ATXN7L1: variants seen among roughly 807,000 people sequenced by gnomAD.
ATXN7L1 encodes ataxin 7 like 1.
ATXN7L1 carries 15 observed loss-of-function variants against 70.8 expected under a neutral mutation model. The ratio of observed to expected loss-of-function variants is 0.21; its 90% CI spans 0.14 to 0.33. ATXN7L1 has a LOEUF of 0.33. Among genes scored for constraint, ATXN7L1 ranks in the 10% least tolerant of loss-of-function variants. The pLI is 1.00. For synonymous variants in ATXN7L1, 440 were observed against 445.1 expected (o/e 0.99, Z 0.14); for missense variants, 975 against 1,097.1 (o/e 0.89, Z 1.57).
chr7:105,642,679 T>C (rs1798447194), intron 5 of ATXN7L1, among the ~76,000 whole-genome samples, 159 bp downstream of exon 5: 1 of 152,260 alleles, frequency 6.6e-6, no homozygotes, highest in Non-Finnish European at 1.5e-5. Flanking sequence ...TGGTTTTCCC[T>C]TGCATTTTTA....
chr7:105,675,890 T>C (rs1460265974), intron 3 of ATXN7L1, among the ~76,000 whole-genome samples: 1 of 149,990 alleles, frequency 6.7e-6, no homozygotes, highest in Non-Finnish European at 1.5e-5. Flanking sequence ...CACTCTTTTT[T>C]TTTTTTTTTT....
chr7:105,630,019 T>C (rs373553874), intron 7 of ATXN7L1, among the ~76,000 whole-genome samples: 1 of 152,052 alleles, frequency 6.6e-6, no homozygotes, highest in African/African-American at 2.4e-5. Flanking sequence ...GGTTTCACCA[T>C]GTTGGCCAGG....
chr7:105,764,875 C>G (rs1801040050), intron 3 of ATXN7L1, among the ~76,000 whole-genome samples: 1 of 151,716 alleles, frequency 6.6e-6, no homozygotes, highest in Non-Finnish European at 1.5e-5. Context: ...ATATCATGTA[C>G]AGCTGGCTCA....
intron 3 of ATXN7L1, among the ~76,000 whole-genome samples, chr7:105,709,329 T>G (rs1004985549): frequency 4.6e-5 from 7 of 151,472 alleles, no homozygotes; most frequent in African/African-American, 1.7e-4. Flanking sequence ...AGTGAAACTC[T>G]GTCTCACAAA....
At chr7:105,783,772 C>T (rs1218798567) in intron 3 of ATXN7L1, among the ~76,000 whole-genome samples, 2 of 152,130 alleles carry the variant, frequency 1.3e-5, no homozygotes, top group Admixed American at 1.3e-4. Flanking sequence ...TCCTTGAGTT[C>T]TGTGAGTTGT....
chr7:105,650,663 G>A (rs1379901848), intron 4 of ATXN7L1, among the ~76,000 whole-genome samples: 4 of 152,196 alleles, frequency 2.6e-5, no homozygotes, highest in East Asian at 3.8e-4. Flanking sequence ...ACCCACTGCC[G>A]GCCAAGAAGG....
In ATXN7L1 at chr7:105,859,813, C is replaced by T. The variant is rs183805031; in HGVS notation, c.250+15999G>A. ...TTTTTTTTTTTTTGAGACAGAGTCTCGCTCTGTTGGCCAGGCTAGAGTGCA... is the reference window on the plus strand; with the variant it reads ...TTTTTTTTTTTTTGAGACAGAGTCTTGCTCTGTTGGCCAGGCTAGAGTGCA... On this transcript the variant is annotated intron_variant, in intron 2 of 11. Transcript: ENST00000419735. Among the ~76,000 whole-genome samples the T allele has an allele frequency of 2.2e-3, 301 of 139,238 alleles. 1 individual carries two copies. Among genetic ancestry groups the T allele is most frequent in the African/African-American group, 7.8e-3 (292 of 37,288 alleles). The allele number at this position is 139,238 out of a possible 152,430, so 91.3% of individuals were successfully genotyped here.
intron 9 of ATXN7L1, among the ~76,000 whole-genome samples, chr7:105,619,139 A>ATTTTTTTTTTTTTT (rs1794365463): frequency 1.9e-3 from 44 of 23,554 alleles, no homozygotes; most frequent in Non-Finnish European, 3.1e-3. Flanking sequence ...TGAAATCTTT[A>ATTTTTTTTTTTTTT]GTTTTTTTTT....
At chr7:105,783,488 C>G (rs1803835862) in intron 3 of ATXN7L1, among the ~76,000 whole-genome samples, 1 of 152,112 alleles carries the variant, frequency 6.6e-6, no homozygotes, top group African/African-American at 2.4e-5. Flanking sequence ...GGGGGCCGGT[C>G]ACCAGAAAGA....
intron 3 of ATXN7L1, among the ~76,000 whole-genome samples, chr7:105,739,790 G>A (rs980453643): frequency 1.3e-5 from 2 of 152,150 alleles, no homozygotes; most frequent in Admixed American, 6.5e-5. Flanking sequence ...TTGTGTAGCC[G>A]CCTGGCCCTG....
chr7:105,736,501 T>C (rs547647370), intron 3 of ATXN7L1, among the ~76,000 whole-genome samples: 4 of 152,276 alleles, frequency 2.6e-5, no homozygotes, highest in South Asian at 2.1e-4. Context: ...GCTATGGCAA[T>C]TGCAGTTTTG....
intron 3 of ATXN7L1, among the ~76,000 whole-genome samples, chr7:105,667,452 C>A (rs1476840071): frequency 1.0e-5 from 1 of 98,132 alleles, no homozygotes; most frequent in Non-Finnish European, 2.3e-5. Flanking sequence ...GTAATCCCAG[C>A]ACTTTGGGAG....
At chr7:105,753,809 C>A (rs947165977) in intron 3 of ATXN7L1, among the ~76,000 whole-genome samples, 1 of 152,200 alleles carries the variant, frequency 6.6e-6, no homozygotes, top group Non-Finnish European at 1.5e-5. Context: ...GGTATGTTCA[C>A]TATTTATGGG....
chr7:105,752,934 A>G lies in ATXN7L1; in HGVS notation c.355+35670T>C, dbSNP rs147278235. Reference sequence around the variant, plus strand: ...AGATCATCCAAATGCCACCAAGCTCATAGTGAATTGAAGACCATAGTGAAT... The same window carrying G: ...AGATCATCCAAATGCCACCAAGCTCGTAGTGAATTGAAGACCATAGTGAAT... On this transcript the variant is annotated intron_variant, in intron 3 of 11. Transcript: ENST00000419735. 2.8e-3 allele frequency among the ~76,000 whole-genome samples: 427 copies of G among 152,082 alleles called. 7 individuals are homozygous for G. Among genetic ancestry groups the G allele is most frequent in the Non-Finnish European group, 2.0e-3 (138 of 68,028 alleles).
intron 3 of ATXN7L1, among the ~76,000 whole-genome samples, chr7:105,687,643 C>T (rs537263880): frequency 6.6e-6 from 1 of 152,326 alleles, no homozygotes; most frequent in African/African-American, 2.4e-5. Flanking sequence ...CAGGCTGTTT[C>T]ATTTTGTTAT....
intron 11 of ATXN7L1, among the ~76,000 whole-genome samples, chr7:105,608,932 G>A (rs1792917922): frequency 6.6e-6 from 1 of 152,082 alleles, no homozygotes; most frequent in African/African-American, 2.4e-5. Context: ...TGTGTAAGGG[G>A]CAAAACCCCA....
At chr7:105,875,171 C>G (rs895248795) in intron 2 of ATXN7L1, 6 of 152,704 alleles carry the variant, frequency 3.9e-5, no homozygotes, top group African/African-American at 1.4e-4. Context: ...GCTTCTCTTG[C>G]ATATCTTGGT....
intron 3 of ATXN7L1, among the ~76,000 whole-genome samples, chr7:105,776,909 A>G (rs1230103476): frequency 6.6e-6 from 1 of 152,168 alleles, no homozygotes; most frequent in African/African-American, 2.4e-5. Flanking sequence ...AGCTGGGATT[A>G]TAGGCACGTG....
At chr7:105,836,241 CA>C (rs1331854534) in intron 2 of ATXN7L1, among the ~76,000 whole-genome samples, 1 of 152,128 alleles carries the variant, frequency 6.6e-6, no homozygotes, top group Non-Finnish European at 1.5e-5. Flanking sequence ...GCCTACTGCA[CA>C]GAACATGGAG....
Sources: gnomAD v4.1 joint callset for allele counts (sites outside exome capture counted in the v4.1 genomes callset) on GRCh38, gnomAD v4.1.1 for gene constraint, MANE v1.5 for transcripts, NCBI Gene and HGNC (gene_info 2026-07-23, HGNC 2026-07-21) for gene names.